The following MATN4 variants were observed in gnomAD, a reference collection of about 807,000 sequenced individuals.
MATN4 encodes matrilin 4, also known as matrilin-4.
MATN4 carries 40 observed loss-of-function variants against 54.6 expected under a neutral mutation model. The observed-to-expected ratio is 0.73, with a 90% CI of 0.57 to 0.95. MATN4 has a LOEUF of 0.95. Among genes scored for constraint, MATN4 ranks in the 40% least tolerant of loss-of-function variants. The probability of loss-of-function intolerance (pLI) is 0.00; values close to 1 mark genes in which losing one functional copy is unlikely to be tolerated. For synonymous variants in MATN4, 351 were observed against 345.3 expected, an observed-to-expected ratio of 1.02 and a Z score of -0.18; for missense variants, 810 against 819.1, an observed-to-expected ratio of 0.99 and a Z score of 0.13.
At position 45,293,624 on chromosome 20, in the gene MATN4, T is replaced by C; in HGVS notation, c.*143A>G. 4 of 731,224 alleles carry C rather than the reference T, an allele frequency of 5.5e-6. No homozygotes were observed. Among genetic ancestry groups the C allele is most frequent in the Admixed American group, 3.4e-5 (1 of 29,372 alleles). The allele number at this position is 731,224 out of a possible 1,614,324, so 45.3% of individuals were successfully genotyped here. A position where few individuals can be genotyped will look rare whatever the true frequency, so the allele number is the denominator to read the frequency against. On this transcript the variant is annotated 3_prime_UTR_variant, in exon 10 of 10. Coordinates refer to ENST00000372756, the MANE Select transcript of MATN4 (RefSeq NM_001393530.1). ...TCCGGGCGAGGCCAACTCAGCTCAA[T>C]GCCGGAAGCCCGCCAGCGCCTCCGC...
In MATN4 at chr20:45,308,268, A is replaced by G. The variant is rs1219487599; in HGVS notation, c.-128T>C. 1.3e-6 allele frequency: 2 copies of G among 1,548,158 alleles called. No individual in the cohort carries two copies. The highest frequency in any genetic ancestry group is 2.2e-5 in the East Asian group (1 of 44,526). ...TTGGACCAGGTAACGGCGGCGTGGC[A>G]GCGTGCCCTAGGTGGGGACTGCCAG... On this transcript the variant is annotated 5_prime_UTR_variant, in exon 1 of 10. Transcript: ENST00000372756.
chr20:45,298,323 C>T lies in MATN4; in HGVS notation c.1273G>A (p.Gly425Arg), dbSNP rs1985994130. Residue 425 changes from glycine to arginine, a missense_variant, in exon 7 of 10, where the codon GGG becomes AGG. Coordinates refer to ENST00000372756, the MANE Select transcript of MATN4 (RefSeq NM_001393530.1). This position sits in a 1 kb window ranked among gnomAD's most constrained non-coding sequence, Gnocchi z 4.6. ...TCCACCATGTGCCGCAACGCCAGCC[C>T]TGTCATGGTGCCGCGTTCCATGTAC... ...VEYMERGTMT[G>R]LALRHMVEHS... 3.1e-6 allele frequency: 5 copies of T among 1,613,610 alleles called. No individual in the cohort carries two copies. Among genetic ancestry groups the T allele is most frequent in the Non-Finnish European group, 4.2e-6 (5 of 1,179,896 alleles).
Position 45,308,200 on chromosome 20 carries a change from T to C in MATN4, c.-60A>G. 2 of 1,614,072 alleles carry C rather than the reference T, an allele frequency of 1.2e-6. No individual in the cohort carries two copies. ...CTGAGCCTGCAGGACAGATCAGAGA[T>C]GCAGCTGCAGAGCGAAGCCGACAGG... On this transcript the variant is annotated 5_prime_UTR_variant, in exon 1 of 10. Transcript: ENST00000372756.
Position 45,293,802 on chromosome 20 carries a change from C to T in MATN4, c.1711G>A (p.Glu571Lys). ...LNLAQLTARL[E>K]DLENQLANQK is the part of the protein sequence containing the mutation. ...TTGGCCAGCTGGTTCTCCAGATCCT[C>T]CAGGCGCGCCGTCAGCTGGGCCAGT... is the stretch of plus-strand genomic sequence containing the variant. The change falls in exon 10 of 10, where the codon GAG becomes AAG. Residue 571 changes from glutamate (E) to lysine (K), a missense_variant. Glu to Lys is a moderately conservative substitution (Grantham distance 56). Transcript: ENST00000372756. 6.2e-7 allele frequency: 1 copy of T among 1,611,144 alleles called. No homozygotes were observed. The highest frequency in any genetic ancestry group is 8.5e-7 in the Non-Finnish European group (1 of 1,179,922).
In MATN4 at chr20:45,305,481, C is replaced by T. The variant is rs559059040; in HGVS notation, c.73+29G>A. The stretch of plus-strand genomic sequence containing the variant: ...AGGACCTGCTTCCGCTCCCCTCCTC[C>T]CACTGGTGAGGGCTGGGCCCCAGTT... On this transcript the variant is annotated intron_variant, in intron 2 of 9. Coordinates refer to ENST00000372756, the MANE Select transcript of MATN4 (RefSeq NM_001393530.1). 3.9e-6 allele frequency: 6 copies of T among 1,537,502 alleles called. No individual in the cohort carries two copies. The South Asian group carries it at 7.2e-5, about 18-fold the overall frequency.
intron 1 of MATN4, chr20:45,306,866 A>G: frequency 8.2e-7 from 1 of 1,216,456 alleles, no homozygotes. Context: ...CAGCGACAGC[A>G]GCACTGGACT....
rs1472021748 is a variant in MATN4 at position 45,298,711 on chromosome 20, C to A, written c.1013-128G>T. 1.5e-6 allele frequency: 1 copy of A among 676,100 alleles called. No homozygotes were observed. Among genetic ancestry groups the A allele is most frequent in the Non-Finnish European group, 2.4e-6 (1 of 416,100 alleles). 41.9% of individuals were successfully genotyped at this position (676,100 alleles called of 1,614,324 possible). On this transcript the variant is annotated intron_variant, in intron 6 of 9. Coordinates refer to ENST00000372756, the MANE Select transcript of MATN4 (RefSeq NM_001393530.1). This position sits in a 1 kb window ranked among gnomAD's most constrained non-coding sequence, Gnocchi z 4.6. ...CAACATTTCCTGAGTCCTTCCTGTG[C>A]CAGGCAGTGTGCTAAGTAATAATAA...
chr20:45,301,269 C>A (rs1447717596), intron 4 of MATN4, 45 bp from the exon 5 acceptor site: 3 of 1,613,584 alleles, frequency 1.9e-6, no homozygotes, highest in Admixed American at 1.7e-5. Flanking sequence ...CTGATTGGAG[C>A]CCTCGGAGGC....
In MATN4 at chr20:45,293,570, T is replaced by TC. The variant is rs1985604950; in HGVS notation, c.*196dup. The TC allele has an allele frequency of 1.8e-6, 1 of 542,964 alleles. No homozygotes were observed. Among genetic ancestry groups the TC allele is most frequent in the African/African-American group, 2.0e-5 (1 of 49,170 alleles). 33.6% of individuals were successfully genotyped at this position (542,964 alleles called of 1,614,324 possible). A position where few individuals can be genotyped will look rare whatever the true frequency, so the allele number is the denominator to read the frequency against. ...GTGCCCCTTCCCTCACCACCCGCTA[T>TC]CCCCCTGACGCCGCAGTCCGCCTAA... On this transcript the variant is annotated 3_prime_UTR_variant, in exon 10 of 10. Coordinates refer to ENST00000372756, the MANE Select transcript of MATN4 (RefSeq NM_001393530.1).
At position 45,308,203 on chromosome 20, in the gene MATN4, A is replaced by G; in HGVS notation, c.-63T>C. 6.2e-7 allele frequency: 1 copy of G among 1,614,102 alleles called. No homozygotes were observed. Among genetic ancestry groups the G allele is most frequent in the South Asian group, 1.1e-5 (1 of 91,088 alleles). The stretch of plus-strand genomic sequence containing the variant: ...AGCCTGCAGGACAGATCAGAGATGC[A>G]GCTGCAGAGCGAAGCCGACAGGCGG... On this transcript the variant is annotated 5_prime_UTR_variant, in exon 1 of 10. Coordinates refer to ENST00000372756, the MANE Select transcript of MATN4 (RefSeq NM_001393530.1).
intron 8 of MATN4, among the ~76,000 whole-genome samples, chr20:45,296,119 G>A (rs1985803091): frequency 6.6e-6 from 1 of 150,564 alleles, no homozygotes; most frequent in Admixed American, 6.7e-5. Flanking sequence ...AGAGGCTGAG[G>A]CAGGAGAATC....
rs1986188932 is a variant in MATN4, at chr20:45,300,987, C to G, written c.912G>C (p.Val304=). ...CACACTGGAACTCACAGCCATGGTC[C>G]ACGCCATTGCAAAGGTCCCGGACTG... ...SCQVRDLCNG[V]DHGCEFQCVS... Residue 304 remains valine (V), a synonymous_variant, in exon 6 of 10, where the codon GTG becomes GTC. Coordinates refer to ENST00000372756, the MANE Select transcript of MATN4 (RefSeq NM_001393530.1). The G allele has an allele frequency of 1.2e-6, 2 of 1,613,936 alleles. No homozygotes were observed. The highest frequency in any genetic ancestry group is 2.7e-5 in the African/African-American group (2 of 74,930).
intron 6 of MATN4, among the ~76,000 whole-genome samples, chr20:45,299,197 G>A (rs1204922037): frequency 1.3e-5 from 2 of 152,218 alleles, no homozygotes; most frequent in African/African-American, 2.4e-5. Flanking sequence ...TCTGAGCCAG[G>A]AAAGTTGCTA....
chr20:45,294,850 A>G (rs528762200), intron 8 of MATN4, among the ~76,000 whole-genome samples: 6 of 152,296 alleles, frequency 3.9e-5, no homozygotes, highest in Admixed American at 2.0e-4. Flanking sequence ...CATTGCTCCT[A>G]TTACAACCTG....
Position 45,294,904 on chromosome 20 carries a change from G to A in MATN4, c.1580-889C>T, listed in dbSNP as rs1386359160. On this transcript the variant is annotated intron_variant, in intron 8 of 9. Coordinates refer to ENST00000372756, the MANE Select transcript of MATN4 (RefSeq NM_001393530.1). ...TCAGTGGCATTGTTAGATTCTCATGGGAGCACAAACCCTATTGTAAACTGT... is the reference window on the plus strand; with the variant it reads ...TCAGTGGCATTGTTAGATTCTCATGAGAGCACAAACCCTATTGTAAACTGT... Among the ~76,000 whole-genome samples the A allele has an allele frequency of 4.6e-5, 7 of 152,070 alleles. No individual in the cohort carries two copies. In the East Asian group the frequency reaches 9.6e-4, roughly 21 times the overall value.
At chr20:45,302,156 A>C (rs1217864341) in intron 3 of MATN4, among the ~76,000 whole-genome samples, 1 of 152,202 alleles carries the variant, frequency 6.6e-6, no homozygotes, top group Non-Finnish European at 1.5e-5. Context: ...GAGAGGATCC[A>C]TAAATCAAAT....
At chr20:45,302,001 GT>G (rs1026489900) in intron 3 of MATN4, among the ~76,000 whole-genome samples, 15 of 152,102 alleles carry the variant, frequency 9.9e-5, no homozygotes, top group African/African-American at 3.6e-4. Context: ...ATTATAATGA[GT>G]TTTTCGTGTG....
At chr20:45,296,348 T>A in intron 8 of MATN4, among the ~76,000 whole-genome samples, 1 of 151,832 alleles carries the variant, frequency 6.6e-6, no homozygotes, top group East Asian at 1.9e-4. Context: ...ATACCTGCCA[T>A]TTAACCTTTG....
At chr20:45,308,624 C>T, upstream of MATN4, 1 of 252,188 alleles carries the variant, frequency 4.0e-6, no homozygotes, top group Non-Finnish European at 7.9e-6. Flanking sequence ...GCCTGTCTGG[C>T]CTGGCTTTCG....
Sources: allele counts gnomAD v4.1 joint callset (sites outside exome capture counted in the v4.1 genomes callset), GRCh38; gene constraint gnomAD v4.1.1; non-coding constraint Gnocchi (gnomAD v3.1); transcripts MANE v1.5; gene names NCBI Gene and HGNC (gene_info 2026-07-23, HGNC 2026-07-21).